The following STARD9 variants were observed in gnomAD, a reference collection of about 807,000 sequenced individuals.
STARD9 encodes the protein stAR-related lipid transfer protein 9.
A neutral mutation model predicts 399.8 loss-of-function variants in STARD9; 346 were observed. The ratio of observed to expected loss-of-function variants is 0.87; its 90% CI spans 0.79 to 0.95. The LOEUF (loss-of-function observed/expected upper bound fraction) is 0.95, where lower values mean the gene tolerates loss of function less well. STARD9 is among the 40% of genes least tolerant of loss of function. The pLI, the probability that STARD9 is intolerant of heterozygous loss-of-function variation, is 0.00. For synonymous variants in STARD9, 2,203 were observed against 2,143.5 expected (o/e 1.03, Z -0.77); for missense variants, 5,832 against 5,667.5 (o/e 1.03, Z -0.93).
Position 42,690,456 on chromosome 15 carries a change from C to T in STARD9, c.8878C>T (p.Gln2960Ter). 1 of 1,537,230 alleles carries T rather than the reference C, an allele frequency of 6.5e-7. No individual in the cohort carries two copies. The highest frequency in any genetic ancestry group is 1.7e-4 in the Middle Eastern group (1 of 5,990). Residue 2960 changes from glutamine to a stop codon, truncating the protein, a stop_gained, in exon 23 of 33, where the codon CAA becomes TAA. Transcript: ENST00000290607. LOFTEE classifies it high-confidence loss of function. ...TLPCRQPCSS[Q>*]PVATHAYSSH... is the part of the protein sequence containing the mutation. ...TCCTTGCCGACAGCCATGCAGTTCT[C>T]AACCTGTTGCTACTCATGCTTATTC...
In STARD9 at chr15:42,694,523, C is replaced by T. The variant is rs2060796379; in HGVS notation, c.12765-5C>T. On this transcript the variant is annotated splice_region_variant and splice_polypyrimidine_tract_variant and intron_variant, in intron 23 of 32. Coordinates refer to ENST00000290607, the MANE Select transcript of STARD9 (RefSeq NM_020759.3). Reference sequence around the variant, plus strand: ...CCAGCTTCAGCGAATCGTGTTTTGCCTCAGGCAAAAAAAGGCCATTGAGAC... The same window carrying T: ...CCAGCTTCAGCGAATCGTGTTTTGCTTCAGGCAAAAAAAGGCCATTGAGAC... 1 of 1,537,030 alleles carries T rather than the reference C, an allele frequency of 6.5e-7. No individual in the cohort carries two copies. The highest frequency in any genetic ancestry group is 8.7e-7 in the Non-Finnish European group (1 of 1,146,842).
rs549630938 is a variant in STARD9, at chr15:42,625,865, C to T, written c.235-8991C>T. 2.6e-5 allele frequency among the ~76,000 whole-genome samples: 4 copies of T among 151,888 alleles called. No individual in the cohort carries two copies. In the South Asian group the frequency reaches 8.4e-4, roughly 32 times the overall value. On this transcript the variant is annotated intron_variant, in intron 3 of 32. Coordinates refer to ENST00000290607, the MANE Select transcript of STARD9 (RefSeq NM_020759.3). ...GTATTTATAAAAGAAAAAGAATGAC[C>T]CCTAAGCCCTAACAAAACCTTCAAG...
In STARD9 at chr15:42,625,647, A is replaced by ATTTTTT. The variant is rs11399920; in HGVS notation, c.235-9199_235-9194dup. ...GCCTGGCTGCTATTTTCTTCTTCCTATTTTTTTTTTTTTTTAGGTAGATTA... is the reference window on the plus strand; with the variant it reads ...GCCTGGCTGCTATTTTCTTCTTCCTATTTTTTTTTTTTTTTTTTTTTAGGTAGATTA... On this transcript the variant is annotated intron_variant, in intron 3 of 32. Coordinates refer to ENST00000290607, the MANE Select transcript of STARD9 (RefSeq NM_020759.3). Among the ~76,000 whole-genome samples the ATTTTTT allele has an allele frequency of 5.7e-3, 791 of 138,564 alleles. 15 individuals carry two copies. The highest frequency in any genetic ancestry group is 0.036 in the East Asian group (169 of 4,700). The allele number at this position is 138,564 out of a possible 152,430, so 90.9% of individuals were successfully genotyped here. A position where few individuals can be genotyped will look rare whatever the true frequency, so the allele number is the denominator to read the frequency against.
At chr15:42,634,561 G>A (rs893276161) in intron 3 of STARD9, among the ~76,000 whole-genome samples, 1 of 152,048 alleles carries the variant, frequency 6.6e-6, no homozygotes, top group African/African-American at 2.4e-5. Flanking sequence ...GCATATCTTT[G>A]CTCTTCTACA....
In STARD9 at chr15:42,638,774, G is replaced by A. The variant is rs968049372; in HGVS notation, c.521G>A (p.Arg174Gln). The A allele has an allele frequency of 5.4e-5, 83 of 1,536,140 alleles. No homozygotes were observed. Among genetic ancestry groups the A allele is most frequent in the Non-Finnish European group, 6.5e-5 (75 of 1,146,276 alleles). Residue 174 changes from arginine to glutamine, a missense_variant, in exon 7 of 33, where the codon CGG becomes CAG. Physicochemically the swap from Arg to Gln is conservative, Grantham distance 43. This residue lies in a region of STARD9 where 5,828 missense variants were observed against 5,651.1 expected (regional missense o/e 1.03). Coordinates refer to ENST00000290607, the MANE Select transcript of STARD9 (RefSeq NM_020759.3). ...GGTCAAAAAAAGTCCTATACCCTGC[G>A]GGTCAGGGAGCATCCAGAGATGGGG... ...QSGQKKSYTL[R>Q]VREHPEMGPY...
chr15:42,666,123 C>T (rs772210463), intron 15 of STARD9, among the ~76,000 whole-genome samples: 1 of 152,190 alleles, frequency 6.6e-6, no homozygotes, highest in Admixed American at 6.5e-5. Flanking sequence ...TTGTCTAAAT[C>T]AGTCAACCAA....
chr15:42,631,855 C>T (rs776313062), intron 3 of STARD9, among the ~76,000 whole-genome samples: 8 of 151,766 alleles, frequency 5.3e-5, no homozygotes, highest in Admixed American at 2.6e-4. Flanking sequence ...GTTTTGTGGC[C>T]GAACATATGG....
intron 1 of STARD9, chr15:42,581,031 G>A (rs1341987819): frequency 2.1e-6 from 1 of 477,840 alleles, no homozygotes; most frequent in Non-Finnish European, 3.9e-6. Flanking sequence ...TGCTGGTATT[G>A]CCTCTTCTGT....
At position 42,665,729 on chromosome 15, in the gene STARD9, G is replaced by T. The variant is rs1333144203; in HGVS notation, c.1255-57G>T. On this transcript the variant is annotated intron_variant, in intron 14 of 32. Coordinates refer to ENST00000290607, the MANE Select transcript of STARD9 (RefSeq NM_020759.3). ...TCCTCCTCCACAAGTGTAAGGGTGG[G>T]ACCTACCTGAAGTTCAGACCAGGAA... 1.3e-5 allele frequency: 18 copies of T among 1,398,596 alleles called. No individual in the cohort carries two copies. The Admixed American group carries it at 2.8e-4, about 21-fold the overall frequency. 86.6% of individuals were successfully genotyped at this position (1,398,596 alleles called of 1,614,324 possible). A position where few individuals can be genotyped will look rare whatever the true frequency, so the allele number is the denominator to read the frequency against.
At chr15:42,669,463 C>T in intron 16 of STARD9, 126 bp downstream of exon 16, 1 of 854,910 alleles carries the variant, frequency 1.2e-6, no homozygotes, top group South Asian at 2.4e-5. Context: ...GAGCTGCCTT[C>T]AGGTTTGCTC....
intron 26 of STARD9, among the ~76,000 whole-genome samples, chr15:42,714,967 A>G (rs888276034): frequency 2.0e-5 from 3 of 152,076 alleles, no homozygotes; most frequent in African/African-American, 7.2e-5. Context: ...TTTGTACAGC[A>G]CTGGGAACAG....
chr15:42,631,895 G>A (rs1335731044), intron 3 of STARD9, among the ~76,000 whole-genome samples: 2 of 152,030 alleles, frequency 1.3e-5, no homozygotes, highest in Non-Finnish European at 2.9e-5. Flanking sequence ...CATGTGCTGA[G>A]GAGAAGAATG....
chr15:42,677,781 G>A (rs1181626713), intron 20 of STARD9, among the ~76,000 whole-genome samples: 2 of 152,152 alleles, frequency 1.3e-5, no homozygotes, highest in Non-Finnish European at 2.9e-5. Context: ...TTGAAAGAGC[G>A]AGTATATATG....
chr15:42,700,641 CTAT>C (rs1199246272), intron 26 of STARD9, among the ~76,000 whole-genome samples: 1 of 151,978 alleles, frequency 6.6e-6, no homozygotes, highest in Non-Finnish European at 1.5e-5. Context: ...GGATTTTTTG[CTAT>C]TATTTGAATT....
chr15:42,637,873 A>G (rs767397329), intron 4 of STARD9, 34 bp from the exon 5 acceptor site: 1 of 1,535,642 alleles, frequency 6.5e-7, no homozygotes, highest in South Asian at 1.2e-5. Context: ...CATCTTAAGT[A>G]AACAATAATG....
intron 20 of STARD9, among the ~76,000 whole-genome samples, chr15:42,677,089 TAAAAAAAAAA>T (rs869040683): frequency 5.0e-4 from 27 of 53,604 alleles, no homozygotes; most frequent in Non-Finnish European, 6.6e-4. Flanking sequence ...CGTCTCTACT[TAAAAAAAAAA>T]AAAAAAAAAA....
chr15:42,648,151 G>A (rs1320186304), intron 7 of STARD9, among the ~76,000 whole-genome samples: 2 of 151,866 alleles, frequency 1.3e-5, no homozygotes, highest in African/African-American at 4.8e-5. Flanking sequence ...CTATTGACAA[G>A]TTCTCTTTTG....
At chr15:42,621,005 C>T (rs1280186626) in intron 3 of STARD9, among the ~76,000 whole-genome samples, 1 of 152,122 alleles carries the variant, frequency 6.6e-6, no homozygotes, top group Non-Finnish European at 1.5e-5. Context: ...CCACCCGCCT[C>T]AGCCTCCCAA....
chr15:42,617,550 G>A (rs900341813), intron 3 of STARD9, among the ~76,000 whole-genome samples: 1 of 152,066 alleles, frequency 6.6e-6, no homozygotes, highest in African/African-American at 2.4e-5. Flanking sequence ...AAGAATGAAA[G>A]CGACTCCTGT....
Sources: gnomAD v4.1 joint callset for allele counts (sites outside exome capture counted in the v4.1 genomes callset) on GRCh38, gnomAD v4.1.1 for gene constraint, gnomAD v4.1.1 regional missense constraint, MANE v1.5 for transcripts, NCBI Gene and HGNC (gene_info 2026-07-23, HGNC 2026-07-21) for gene names.